Variants in SH3RF3 observed in about 807,000 individuals in gnomAD.
The protein encoded by SH3RF3 is E3 ubiquitin-protein ligase SH3RF3.
In SH3RF3, 29 loss-of-function variants were observed where a neutral mutation model predicts 66.3. That is an observed-to-expected ratio of 0.44 (90% CI 0.33 to 0.60). The LOEUF (loss-of-function observed/expected upper bound fraction) is 0.60. SH3RF3 is among the 20% of genes least tolerant of loss of function. SH3RF3 has a pLI of 0.04. For synonymous variants in SH3RF3, 583 were observed against 532.0 expected (o/e 1.10, Z -1.32); for missense variants, 1,194 against 1,190.9 (o/e 1.00, Z -0.04).
intron 1 of SH3RF3, among the ~76,000 whole-genome samples, chr2:109,294,460 C>T (rs889824141): frequency 6.6e-6 from 1 of 151,326 alleles, no homozygotes; most frequent in Admixed American, 6.6e-5. Flanking sequence ...ACTCAGGAGG[C>T]TGAGGCACAA....
At chr2:109,308,126 G>C (rs1390048898) in intron 1 of SH3RF3, among the ~76,000 whole-genome samples, 4 of 143,666 alleles carry the variant, frequency 2.8e-5, no homozygotes, top group African/African-American at 5.5e-5. Flanking sequence ...TAACTGGTGT[G>C]AGATGGTATC....
intron 1 of SH3RF3, among the ~76,000 whole-genome samples, chr2:109,341,511 T>G (rs189637841): frequency 6.6e-6 from 1 of 152,270 alleles, no homozygotes; most frequent in African/African-American, 2.4e-5. Flanking sequence ...CTAAAGAAAT[T>G]GTAAATACAC....
intron 9 of SH3RF3, among the ~76,000 whole-genome samples, chr2:109,497,088 C>T (rs957691902): frequency 6.6e-6 from 1 of 152,146 alleles, no homozygotes; most frequent in Non-Finnish European, 1.5e-5. Flanking sequence ...AGTGAGACCA[C>T]GTTGGAGTTC....
chr2:109,500,422 G>A (rs34758765), intron 9 of SH3RF3, among the ~76,000 whole-genome samples: 21,290 of 152,018 alleles, frequency 0.14, 1,648 homozygotes, highest in East Asian at 0.21. Context: ...CCCTGCAGGC[G>A]GAGGCCATGC....
chr2:109,330,323 T>C (rs1023095531), intron 1 of SH3RF3, among the ~76,000 whole-genome samples: 2 of 152,250 alleles, frequency 1.3e-5, no homozygotes, highest in African/African-American at 4.8e-5. Context: ...GGCAAAATTC[T>C]TCTCTTGTGC....
intron 7 of SH3RF3, among the ~76,000 whole-genome samples, chr2:109,445,116 C>A (rs1011071920): frequency 6.6e-6 from 1 of 152,010 alleles, no homozygotes; most frequent in Non-Finnish European, 1.5e-5. Context: ...AATTGGAAAG[C>A]CATACAGAGG....
At chr2:109,136,059 G>C (rs1676808016) in intron 1 of SH3RF3, among the ~76,000 whole-genome samples, 1 of 152,170 alleles carries the variant, frequency 6.6e-6, no homozygotes, top group Non-Finnish European at 1.5e-5. Flanking sequence ...GAGCTGAGCA[G>C]AATTCTATCC....
chr2:109,209,821 T>G (rs927849285), intron 1 of SH3RF3, among the ~76,000 whole-genome samples: 3 of 152,174 alleles, frequency 2.0e-5, no homozygotes, highest in Non-Finnish European at 1.5e-5. Context: ...ATTCCAAGAT[T>G]TATTATTGTG....
chr2:109,410,743 G>A (rs529486419), intron 4 of SH3RF3, among the ~76,000 whole-genome samples: 2 of 152,324 alleles, frequency 1.3e-5, no homozygotes, highest in East Asian at 1.9e-4. Context: ...TAAAAAGACC[G>A]TGGTGCAAAC....
chr2:109,465,594 C>G (rs565553777), intron 8 of SH3RF3, among the ~76,000 whole-genome samples: 2 of 152,190 alleles, frequency 1.3e-5, no homozygotes, highest in Non-Finnish European at 2.9e-5. Flanking sequence ...TTAGGCCATT[C>G]TTGCACTGCT....
intron 1 of SH3RF3, among the ~76,000 whole-genome samples, chr2:109,243,757 G>A (rs1196269714): frequency 1.3e-5 from 2 of 152,322 alleles, no homozygotes; most frequent in Non-Finnish European, 2.9e-5. Flanking sequence ...GGGGTGGCCC[G>A]AGTGGTTTTG....
At chr2:109,171,947 G>A (rs1677793477) in intron 1 of SH3RF3, among the ~76,000 whole-genome samples, 1 of 152,220 alleles carries the variant, frequency 6.6e-6, no homozygotes, top group Non-Finnish European at 1.5e-5. Flanking sequence ...CCCTCCTTTC[G>A]CTGTGGTGAG....
intron 1 of SH3RF3, among the ~76,000 whole-genome samples, chr2:109,209,035 C>T (rs1678907103): frequency 6.6e-6 from 1 of 152,172 alleles, no homozygotes. Flanking sequence ...GCAGTGCTGG[C>T]CCCAGCACCT....
chr2:109,267,241 A>C (rs11123735), intron 1 of SH3RF3, among the ~76,000 whole-genome samples: 51,256 of 151,880 alleles, frequency 0.34, 9,694 homozygotes, highest in East Asian at 0.8. Context: ...AAGTGCATGT[A>C]AAGGCACACA....
intron 1 of SH3RF3, among the ~76,000 whole-genome samples, chr2:109,290,563 C>T (rs1681142222): frequency 1.3e-5 from 2 of 152,358 alleles, no homozygotes; most frequent in South Asian, 4.1e-4. Context: ...ATCCTTTGGC[C>T]CGCCCAATGC....
At chr2:109,170,244 TTTCTC>T (rs1206279912) in intron 1 of SH3RF3, among the ~76,000 whole-genome samples, 3,426 of 32,210 alleles carry the variant, frequency 0.11, 76 homozygotes, top group Middle Eastern at 0.15. Flanking sequence ...CTTCTTTTCT[TTTCTC>T]TTCTCTTCTC....
At chr2:109,430,680 G>GCC (rs1677184209) in intron 5 of SH3RF3, among the ~76,000 whole-genome samples, 1 of 152,180 alleles carries the variant, frequency 6.6e-6, no homozygotes, top group African/African-American at 2.4e-5. Flanking sequence ...TTTCCTCTAT[G>GCC]GTGATGGGAA....
chr2:109,215,534 T>C (rs2105125445), intron 1 of SH3RF3, among the ~76,000 whole-genome samples: 1 of 152,270 alleles, frequency 6.6e-6, no homozygotes, highest in Non-Finnish European at 1.5e-5. Flanking sequence ...CTCCTGCTTC[T>C]ATGTGGGTTC....
chr2:109,325,323 CT>C (rs1421324736), intron 1 of SH3RF3, among the ~76,000 whole-genome samples: 75 of 119,202 alleles, frequency 6.3e-4, no homozygotes, highest in Non-Finnish European at 1.2e-3. Context: ...TTCTTTCTTT[CT>C]TTCTTTCTTT....
Sources: gnomAD v4.1 joint callset for allele counts (sites outside exome capture counted in the v4.1 genomes callset) on GRCh38, gnomAD v4.1.1 for gene constraint, MANE v1.5 for transcripts, NCBI Gene and HGNC (gene_info 2026-07-23, HGNC 2026-07-21) for gene names.